The following RIOK3 variants were observed in gnomAD, a reference collection of about 807,000 sequenced individuals.
The protein encoded by RIOK3 is RIO kinase 3.
In RIOK3, 40 loss-of-function variants were observed where a neutral mutation model predicts 63.5. That is an observed-to-expected ratio of 0.63 (90% confidence interval 0.49 to 0.82). The LOEUF (loss-of-function observed/expected upper bound fraction) is 0.82. RIOK3 is among the 40% of genes least tolerant of loss of function. RIOK3 has a pLI of 0.00. For missense variants in RIOK3, 557 were observed against 637.0 expected, an observed-to-expected ratio of 0.87 and a Z score of 1.35; for synonymous variants, 193 against 205.0, an observed-to-expected ratio of 0.94 and a Z score of 0.50.
intron 1 of RIOK3, among the ~76,000 whole-genome samples, chr18:23,461,996 A>G (rs2057374497): frequency 6.6e-6 from 1 of 151,116 alleles, no homozygotes; most frequent in Non-Finnish European, 1.5e-5. Flanking sequence ...AGGCTGAGGC[A>G]GGAGAATCGC....
At chr18:23,476,123 G>T (rs2057489186) in intron 9 of RIOK3, among the ~76,000 whole-genome samples, 1 of 151,976 alleles carries the variant, frequency 6.6e-6, no homozygotes, top group Non-Finnish European at 1.5e-5. Context: ...AGGAAAGGAA[G>T]CAGGTCTGGT....
At chr18:23,480,335 A>G (rs775842732) in intron 12 of RIOK3, among the ~76,000 whole-genome samples, 17 of 152,336 alleles carry the variant, frequency 1.1e-4, no homozygotes, top group South Asian at 2.1e-4. Flanking sequence ...TGGTAAATTC[A>G]TTCTTCCAGC....
At chr18:23,457,771 C>T (rs752853067) in intron 1 of RIOK3, among the ~76,000 whole-genome samples, 16 of 152,058 alleles carry the variant, frequency 1.1e-4, no homozygotes, top group Admixed American at 7.2e-4. Flanking sequence ...AAATATTCTG[C>T]TTAGATTATG....
At chr18:23,465,994 C>T (rs979376314) in intron 5 of RIOK3, 139 bp from the exon 6 acceptor site, 7 of 524,020 alleles carry the variant, frequency 1.3e-5, no homozygotes, top group Non-Finnish European at 1.9e-5. Flanking sequence ...ATTTTTTTCT[C>T]TGTAGTAGCT....
At chr18:23,455,353 G>A (rs1207874142) in intron 1 of RIOK3, among the ~76,000 whole-genome samples, 5 of 149,880 alleles carry the variant, frequency 3.3e-5, no homozygotes, top group African/African-American at 7.4e-5. Flanking sequence ...GATTACAGGC[G>A]TGAGCCACCA....
intron 7 of RIOK3, among the ~76,000 whole-genome samples, chr18:23,472,067 T>C (rs1005185669): frequency 1.8e-4 from 28 of 152,162 alleles, no homozygotes; most frequent in Admixed American, 1.7e-3. Context: ...ACCCCGTCTC[T>C]ACTAAAAATA....
At position 23,473,590 on chromosome 18, in the gene RIOK3, G is replaced by T; in HGVS notation, c.977G>T (p.Arg326Leu). ...FSKLNPRKII[R>L]MWAEKEMHNL... The stretch of plus-strand genomic sequence containing the variant: ...AAACTAAATCCACGTAAGATCATCC[G>T]CATGTGGGCAGAAAAAGAAATGCAC... Residue 326 changes from arginine (R) to leucine (L), a missense_variant, in exon 8 of 13, where the codon CGC becomes CTC. Coordinates refer to ENST00000339486, the MANE Select transcript of RIOK3 (RefSeq NM_003831.5). The T allele has an allele frequency of 1.2e-6, 2 of 1,613,324 alleles. No individual in the cohort carries two copies. The highest frequency in any genetic ancestry group is 1.7e-6 in the Non-Finnish European group (2 of 1,179,572).
At chr18:23,456,666 T>TA (rs201233539) in intron 1 of RIOK3, among the ~76,000 whole-genome samples, 2,370 of 152,300 alleles carry the variant, frequency 0.016, 65 homozygotes, top group African/African-American at 0.054. Flanking sequence ...GTGCTAGAAT[T>TA]ACAGGTGTGA....
In RIOK3 at chr18:23,463,079, C is replaced by A; in HGVS notation, c.179C>A (p.Ala60Asp). 3 of 1,589,762 alleles carry A rather than the reference C, an allele frequency of 1.9e-6. No individual in the cohort carries two copies. The highest frequency in any genetic ancestry group is 2.3e-5 in the South Asian group (2 of 88,344). ...GAAGCTGCCGTTTTTCCTGAAGTTG[C>A]GTAAGTAAAATTCACAAATACTTTA... ...EEEAAVFPEVAVAEGPFITGE... is the reference protein window; with the variant it reads ...EEEAAVFPEVDVAEGPFITGE... The change falls in exon 2 of 13, where the codon GCT becomes GAT. Residue 60 changes from alanine (A) to aspartate (D), a missense_variant and splice_region_variant. Around this residue, in one of 3 missense-constraint regions of RIOK3, gnomAD observed 243 missense variants for 275.4 expected, o/e 0.88. Transcript: ENST00000339486.
At chr18:23,469,344 T>C (rs1361202823) in intron 7 of RIOK3, among the ~76,000 whole-genome samples, 4 of 5,486 alleles carry the variant, frequency 7.3e-4, no homozygotes, top group Non-Finnish European at 9.3e-4. Flanking sequence ...TCTCCCCCTC[T>C]CTCCCCCTCT....
chr18:23,475,057 G>A lies in RIOK3; in HGVS notation c.1123G>A (p.Val375Ile), dbSNP rs750420591. The change falls in exon 9 of 13, where the codon GTA becomes ATA. Residue 375 changes from valine to isoleucine, a missense_variant. By Grantham distance (29) the Val-to-Ile change is conservative. Coordinates refer to ENST00000339486, the MANE Select transcript of RIOK3 (RefSeq NM_003831.5). ...AGTTCCAGCCCCTAAATTAAAAGAAGTAAAGCTCAATAGTGAAGAAATGAA... is the reference window on the plus strand; with the variant it reads ...AGTTCCAGCCCCTAAATTAAAAGAAATAAAGCTCAATAGTGAAGAAATGAA... ...DQVPAPKLKE[V>I]KLNSEEMKEA... The A allele has an allele frequency of 5.0e-6, 8 of 1,613,578 alleles. No homozygotes were observed. Among genetic ancestry groups the A allele is most frequent in the Non-Finnish European group, 6.8e-6 (8 of 1,179,638 alleles).
intron 1 of RIOK3, chr18:23,456,418 C>T (rs2057341510): frequency 6.6e-6 from 1 of 151,944 alleles, no homozygotes; most frequent in Admixed American, 6.6e-5. Context: ...ACATTAGTGT[C>T]ACTAAAGTTG....
chr18:23,454,239 C>T (rs1483503571), intron 1 of RIOK3, among the ~76,000 whole-genome samples: 4 of 152,084 alleles, frequency 2.6e-5, no homozygotes, highest in East Asian at 3.8e-4. Flanking sequence ...TTTTTTGTTC[C>T]ACAAATTAAG....
intron 7 of RIOK3, among the ~76,000 whole-genome samples, chr18:23,469,329 CTCTCTCT>C: frequency 3.7e-5 from 1 of 27,304 alleles, no homozygotes; most frequent in Non-Finnish European, 6.9e-5. Context: ...CTCTCTCTCT[CTCTCTCT>C]CCCCCTCTCT....
In RIOK3 at chr18:23,481,445, C is replaced by A; in HGVS notation, c.*166C>A. 1.9e-6 allele frequency: 1 copy of A among 513,418 alleles called. No individual in the cohort carries two copies. Among genetic ancestry groups the A allele is most frequent in the Non-Finnish European group, 3.4e-6 (1 of 293,012 alleles). 31.8% of individuals were successfully genotyped at this position (513,418 alleles called of 1,614,324 possible). A position where few individuals can be genotyped will look rare whatever the true frequency, so the allele number is the denominator to read the frequency against. On this transcript the variant is annotated 3_prime_UTR_variant, in exon 13 of 13. Transcript: ENST00000339486. ...TGCCAGATGTGTGGAATTTTTAGCT[C>A]AGCATTGAGAGAATAAAATGTCACT...
chr18:23,468,293 CTTTTTTTTTT>C (rs1245472469), intron 7 of RIOK3, among the ~76,000 whole-genome samples: 2 of 46,448 alleles, frequency 4.3e-5, no homozygotes, highest in African/African-American at 2.1e-4. Flanking sequence ...CAATATACTC[CTTTTTTTTTT>C]TTTTTTTTTT....
Position 23,466,120 on chromosome 18 carries a change from T to C in RIOK3, c.544-13T>C, listed in dbSNP as rs888230092. On this transcript the variant is annotated splice_polypyrimidine_tract_variant and intron_variant, in intron 5 of 12. Transcript: ENST00000339486. Reference sequence around the variant, plus strand: ...TTTTAAAATATTTAGATGCTAATTCTTCCTTTTGGCAGTTTGCACCTGAGT... The same window carrying C: ...TTTTAAAATATTTAGATGCTAATTCCTCCTTTTGGCAGTTTGCACCTGAGT... The C allele has an allele frequency of 1.3e-6, 2 of 1,564,080 alleles. No homozygotes were observed. The highest frequency in any genetic ancestry group is 2.8e-5 in the African/African-American group (2 of 72,400).
intron 9 of RIOK3, 62 bp from the exon 10 acceptor site, chr18:23,476,944 T>C (rs2057495076): frequency 7.3e-7 from 1 of 1,362,860 alleles, no homozygotes; most frequent in African/African-American, 1.4e-5. Context: ...CTTTCAGGGG[T>C]GTCATCATCA....
chr18:23,480,590 C>CACACACACACAG (rs66644690), intron 12 of RIOK3, among the ~76,000 whole-genome samples: 1 of 148,186 alleles, frequency 6.7e-6, no homozygotes, highest in Non-Finnish European at 1.5e-5. Context: ...CACACACACA[C>CACACACACACAG]ATAGTAATTT....
Sources: allele counts gnomAD v4.1 joint callset (sites outside exome capture counted in the v4.1 genomes callset), GRCh38; gene constraint gnomAD v4.1.1; regional missense constraint gnomAD v4.1.1; transcripts MANE v1.5; gene names NCBI Gene and HGNC (gene_info 2026-07-23, HGNC 2026-07-21).